Variants in ADGRL2 observed in about 807,000 individuals in gnomAD.
The protein encoded by ADGRL2 is calcium-independent alpha-latrotoxin receptor 2.
Under a neutral mutation model 157.4 loss-of-function variants are expected in ADGRL2, and 44 were observed. That is an observed-to-expected ratio of 0.28 (90% CI 0.22 to 0.36). The LOEUF (loss-of-function observed/expected upper bound fraction) is 0.36, where lower values mean the gene tolerates loss of function less well. ADGRL2 is among the 10% of genes least tolerant of loss of function. The pLI is 1.00. For missense variants in ADGRL2, 1,510 were observed against 1,768.9 expected (o/e 0.85, Z 2.63); for synonymous variants, 585 against 624.7 (o/e 0.94, Z 0.95).
chr1:81,403,743 A>G (rs2076803854), intron 1 of ADGRL2, among the ~76,000 whole-genome samples: 1 of 151,904 alleles, frequency 6.6e-6, no homozygotes, highest in Non-Finnish European at 1.5e-5. Flanking sequence ...ACATTTATCT[A>G]CCACTCTTCC....
Position 81,596,343 on chromosome 1 carries a change from C to T in ADGRL2, c.-143+15363C>T, listed in dbSNP as rs2081232892. The T allele has an allele frequency of 1.1e-5, 6 of 534,060 alleles. No individual in the cohort carries two copies. The East Asian group carries it at 2.8e-4, about 25-fold the overall frequency. The allele number at this position is 534,060 out of a possible 1,614,324, so 33.1% of individuals were successfully genotyped here. ...GATTCTCAAACTCTTGGTAGGCATT[C>T]GAACTTGTCCTTTCACTTCGAGATT... On this transcript the variant is annotated intron_variant, in intron 3 of 24. Coordinates refer to the ADGRL2 transcript ENST00000370721.
chr1:81,977,612 ACAT>A (rs1382539439), intron 17 of ADGRL2, among the ~76,000 whole-genome samples: 2 of 151,716 alleles, frequency 1.3e-5, no homozygotes, highest in Non-Finnish European at 3.0e-5. Flanking sequence ...TTATATGTTC[ACAT>A]TTTTCCACAT....
At chr1:81,654,772 G>A (rs960167471) in intron 3 of ADGRL2, among the ~76,000 whole-genome samples, 3 of 152,266 alleles carry the variant, frequency 2.0e-5, no homozygotes, top group Middle Eastern at 3.4e-3. Context: ...AATCTATGAA[G>A]TAGATGGCTG....
intron 3 of ADGRL2, among the ~76,000 whole-genome samples, chr1:81,601,087 C>T (rs534187431): frequency 4.0e-4 from 61 of 152,224 alleles, no homozygotes; most frequent in Middle Eastern, 3.4e-3. Flanking sequence ...ACTGCGTTTT[C>T]CTTGGCGCAG....
intron 2 of ADGRL2, among the ~76,000 whole-genome samples, chr1:81,897,471 A>G (rs1328813029): frequency 1.3e-5 from 2 of 152,144 alleles, no homozygotes; most frequent in East Asian, 3.9e-4. Flanking sequence ...ATATGTTTTC[A>G]TGGTACTTGT....
Position 81,426,743 on chromosome 1 carries a change from C to A in ADGRL2, c.-301-18293C>A, listed in dbSNP as rs1451270509. On this transcript the variant is annotated intron_variant, in intron 1 of 24. Coordinates refer to the ADGRL2 transcript ENST00000370721. Reference sequence around the variant, plus strand: ...GGTGGATGCAACAACATGTGCTCAACCACACAGGTTGGTGGGTGTCTATTG... The same window carrying A: ...GGTGGATGCAACAACATGTGCTCAAACACACAGGTTGGTGGGTGTCTATTG... 5 of 466,502 alleles carry A rather than the reference C, an allele frequency of 1.1e-5. No individual in the cohort carries two copies. In the East Asian group the frequency reaches 2.1e-4, roughly 20 times the overall value. 28.9% of individuals were successfully genotyped at this position (466,502 alleles called of 1,614,324 possible).
At chr1:81,790,212 G>A (rs910670987) in intron 2 of ADGRL2, among the ~76,000 whole-genome samples, 2 of 151,980 alleles carry the variant, frequency 1.3e-5, no homozygotes, top group Non-Finnish European at 1.5e-5. Flanking sequence ...ATTCACATGC[G>A]TTACTTTCCT....
chr1:81,490,194 C>T (rs977268884), intron 2 of ADGRL2, among the ~76,000 whole-genome samples: 2 of 150,170 alleles, frequency 1.3e-5, no homozygotes, highest in Non-Finnish European at 2.9e-5. Context: ...TGCAATGGCA[C>T]GATCTTGGCT....
intron 2 of ADGRL2, among the ~76,000 whole-genome samples, chr1:81,874,605 CTT>C (rs2093781280): frequency 1.4e-5 from 2 of 145,124 alleles, no homozygotes; most frequent in African/African-American, 5.1e-5. Flanking sequence ...CTTGTCTTGT[CTT>C]GTTTGTCTTG....
At chr1:81,438,002 G>A (rs2077439444) in intron 1 of ADGRL2, among the ~76,000 whole-genome samples, 1 of 150,566 alleles carries the variant, frequency 6.6e-6, no homozygotes, top group Non-Finnish European at 1.5e-5. Flanking sequence ...TTGCCTCCCA[G>A]GAGTTACCCT....
intron 2 of ADGRL2, among the ~76,000 whole-genome samples, chr1:81,482,397 C>T (rs1399569501): frequency 1.3e-5 from 2 of 150,810 alleles, no homozygotes; most frequent in African/African-American, 2.5e-5. Context: ...TATAGAACAA[C>T]TTAAAAAAAA....
intron 1 of ADGRL2, among the ~76,000 whole-genome samples, chr1:81,372,425 A>G (rs1225178829): frequency 6.6e-6 from 1 of 152,204 alleles, no homozygotes; most frequent in Non-Finnish European, 1.5e-5. Flanking sequence ...ATATCAGTGC[A>G]GTCAAGATTG....
At chr1:81,982,419 TA>T (rs1194968379) in intron 19 of ADGRL2, among the ~76,000 whole-genome samples, 1 of 151,954 alleles carries the variant, frequency 6.6e-6, no homozygotes, top group Non-Finnish European at 1.5e-5. Flanking sequence ...TTGAAGGATC[TA>T]AAAATCAATA....
intron 1 of ADGRL2, among the ~76,000 whole-genome samples, chr1:81,704,111 A>C (rs191019224): frequency 2.0e-5 from 3 of 152,178 alleles, no homozygotes; most frequent in African/African-American, 7.2e-5. Context: ...CTTCATCATC[A>C]TACTTCCCCT....
intron 1 of ADGRL2, among the ~76,000 whole-genome samples, chr1:81,721,034 CTTT>C (rs533654243): frequency 6.0e-5 from 8 of 133,222 alleles, no homozygotes; most frequent in Admixed American, 7.7e-5. Context: ...AAACAATTTC[CTTT>C]TTTTTTTTTT....
intron 2 of ADGRL2, chr1:81,557,025 A>AG (rs1197355228): frequency 5.6e-6 from 1 of 177,506 alleles, no homozygotes; most frequent in East Asian, 1.8e-4. Flanking sequence ...CCGTCTCAAA[A>AG]AAAAAAAAAA....
intron 2 of ADGRL2, among the ~76,000 whole-genome samples, chr1:81,897,767 T>C (rs2094418427): frequency 6.6e-6 from 1 of 152,220 alleles, no homozygotes; most frequent in African/African-American, 2.4e-5. Flanking sequence ...TGGATTTAAA[T>C]ATGTATTTTC....
intron 1 of ADGRL2, chr1:81,427,544 G>A: frequency 1.3e-6 from 1 of 747,666 alleles, no homozygotes; most frequent in Middle Eastern, 2.5e-4. Context: ...GGTGGAAGAA[G>A]CTCATCCCTA....
intron 1 of ADGRL2, among the ~76,000 whole-genome samples, chr1:81,744,208 C>G (rs1387782310): frequency 6.6e-6 from 1 of 152,194 alleles, no homozygotes; most frequent in South Asian, 2.1e-4. Context: ...AAGACATGCT[C>G]ACAATTTCAT....
Sources: allele counts gnomAD v4.1 joint callset (sites outside exome capture counted in the v4.1 genomes callset), GRCh38; gene constraint gnomAD v4.1.1; transcripts MANE v1.5; gene names NCBI Gene and HGNC (gene_info 2026-07-23, HGNC 2026-07-21).